The following TLR6 variants were observed in gnomAD, a reference collection of about 807,000 sequenced individuals.
TLR6 encodes toll like receptor 6, also known as toll-like receptor 6.
TLR6 carries 9 observed loss-of-function variants against 16.1 expected under a neutral mutation model. That is an observed-to-expected ratio of 0.56 (90% CI 0.34 to 0.98). TLR6 has a LOEUF of 0.98. TLR6 is among the 50% of genes least tolerant of loss of function. The probability of loss-of-function intolerance (pLI) is 0.02; values close to 1 mark genes in which losing one functional copy is unlikely to be tolerated. For synonymous variants in TLR6, 340 were observed against 338.6 expected, an observed-to-expected ratio of 1.00 and a Z score of -0.04; for missense variants, 786 against 921.0, an observed-to-expected ratio of 0.85 and a Z score of 1.90.
Position 38,840,015 on chromosome 4 carries a change from C to G in TLR6, c.-64-10478G>C, listed in dbSNP as rs534593757. Among the ~76,000 whole-genome samples, 4 of 152,326 alleles carry G rather than the reference C, an allele frequency of 2.6e-5. No homozygotes were observed. In the East Asian group the frequency reaches 7.7e-4, roughly 29 times the overall value. ...AAAGTCTAAAATCCCTAATGTCCAA[C>G]TGAATCCTCAAATCATAATGACCTA... On this transcript the variant is annotated intron_variant, in intron 1 of 1. Transcript: ENST00000436693.
intron 1 of TLR6, among the ~76,000 whole-genome samples, chr4:38,840,474 A>T (rs1236771218): frequency 6.6e-6 from 1 of 152,086 alleles, no homozygotes; most frequent in East Asian, 1.9e-4. Flanking sequence ...TCTACTAAAA[A>T]AATACAAGAA....
At chr4:38,825,383 TC>T (rs1483181629) in exon 2 of TLR6, 1 of 152,234 alleles carries the variant, frequency 6.6e-6, no homozygotes, top group African/African-American at 2.4e-5. Flanking sequence ...GTTTCTTTAC[TC>T]TTCCTCCATT....
intron 1 of TLR6, among the ~76,000 whole-genome samples, chr4:38,842,629 T>A (rs1046166539): frequency 6.6e-6 from 1 of 151,586 alleles, no homozygotes; most frequent in African/African-American, 2.4e-5. Flanking sequence ...TGAGCCCCCA[T>A]GGGGGGCAAA....
chr4:38,845,386 G>C (rs1268398216), intron 1 of TLR6, among the ~76,000 whole-genome samples: 5 of 152,212 alleles, frequency 3.3e-5, no homozygotes, highest in African/African-American at 1.2e-4. Context: ...GAAAATTAAT[G>C]TTGTGGATGA....
At chr4:38,867,973 A>G in the TLR6 span, 1 of 359,746 alleles carries the variant, frequency 2.8e-6, no homozygotes, top group Non-Finnish European at 5.7e-6. Flanking sequence ...TGCGTTAGTG[A>G]GAAGCAGTGG....
exon 2 of TLR6, chr4:38,828,124 G>C: frequency 6.2e-7 from 1 of 1,614,180 alleles, no homozygotes; most frequent in Non-Finnish European, 8.5e-7. Context: ...CCTTGATCCT[G>C]GGAGGTAAAC....
intron 1 of TLR6, among the ~76,000 whole-genome samples, chr4:38,842,063 A>G (rs565565441): frequency 2.6e-5 from 4 of 152,146 alleles, no homozygotes; most frequent in Non-Finnish European, 5.9e-5. Flanking sequence ...GGATTATGGC[A>G]CTTGGGATTG....
intron 1 of TLR6, among the ~76,000 whole-genome samples, chr4:38,830,690 G>A (rs941493401): frequency 6.6e-6 from 1 of 152,030 alleles, no homozygotes; most frequent in African/African-American, 2.4e-5. Flanking sequence ...ACTCCAGCCT[G>A]GGTGACAGAA....
At chr4:38,849,464 T>A (rs1031140030) in intron 1 of TLR6, among the ~76,000 whole-genome samples, 1 of 152,138 alleles carries the variant, frequency 6.6e-6, no homozygotes, top group Non-Finnish European at 1.5e-5. Flanking sequence ...AATGCTCCAA[T>A]TAAAAGACAC....
At chr4:38,837,933 T>G (rs1162293764) in intron 1 of TLR6, among the ~76,000 whole-genome samples, 1 of 152,028 alleles carries the variant, frequency 6.6e-6, no homozygotes, top group Non-Finnish European at 1.5e-5. Flanking sequence ...AAAGTAGGCA[T>G]AGGATTTGAA....
intron 1 of TLR6, among the ~76,000 whole-genome samples, chr4:38,847,571 G>A (rs1042079476): frequency 1.3e-5 from 2 of 152,114 alleles, no homozygotes; most frequent in African/African-American, 4.8e-5. Context: ...TGGAAAATTG[G>A]GTCACTCCCA....
chr4:38,868,023 C>A, the TLR6 span: 1 of 420,820 alleles, frequency 2.4e-6, no homozygotes, highest in Non-Finnish European at 4.8e-6. Flanking sequence ...TCTGGGGCGG[C>A]GCGGCCGAGG....
exon 2 of TLR6, chr4:38,828,326 A>G (rs779347262): frequency 1.9e-6 from 3 of 1,613,370 alleles, no homozygotes; most frequent in African/African-American, 1.3e-5. Context: ...CTTTTGTAAG[A>G]TAAGTGTCTC....
exon 2 of TLR6, chr4:38,828,452 G>A (rs768196238): frequency 1.2e-6 from 2 of 1,614,056 alleles, no homozygotes; most frequent in Non-Finnish European, 1.7e-6. Context: ...TATAAAAGGT[G>A]TATCTGAAAT....
rs555596154 is a variant in TLR6 at position 38,852,983 on chromosome 4, A to C, written c.-65+3778T>G. Among the ~76,000 whole-genome samples the C allele has an allele frequency of 1.4e-4, 22 of 152,118 alleles. No homozygotes were observed. The East Asian group carries it at 4.2e-3, about 29-fold the overall frequency. On this transcript the variant is annotated intron_variant, in intron 1 of 1. Coordinates refer to ENST00000436693, the Ensembl canonical transcript of TLR6. ...ATAGCAAAGACTTGGAACCAACCCA[A>C]ATGTCCATCAATGATAGACTGGATT...
intron 1 of TLR6, among the ~76,000 whole-genome samples, chr4:38,829,742 G>A (rs933870590): frequency 2.0e-5 from 3 of 152,224 alleles, no homozygotes; most frequent in Non-Finnish European, 4.4e-5. Flanking sequence ...TCAAAGAATT[G>A]TGGTTGTGTG....
chr4:38,845,746 T>C (rs141367659), intron 1 of TLR6, among the ~76,000 whole-genome samples: 2 of 152,312 alleles, frequency 1.3e-5, no homozygotes, highest in Non-Finnish European at 2.9e-5. Context: ...AAATGTATAT[T>C]GTTTTAAGCC....
upstream of TLR6, among the ~76,000 whole-genome samples, chr4:38,857,531 C>T (rs573091821): frequency 6.6e-6 from 1 of 152,224 alleles, no homozygotes; most frequent in African/African-American, 2.4e-5. Context: ...ACAGAGACTT[C>T]TGGTGGACAG....
At chr4:38,849,571 G>C (rs1160149587) in intron 1 of TLR6, among the ~76,000 whole-genome samples, 1 of 152,256 alleles carries the variant, frequency 6.6e-6, no homozygotes, top group Admixed American at 6.5e-5. Flanking sequence ...CAAAATAAAG[G>C]GATGGAGGAA....
Sources: gnomAD v4.1 joint callset for allele counts (sites outside exome capture counted in the v4.1 genomes callset) on GRCh38, gnomAD v4.1.1 for gene constraint, MANE v1.5 for transcripts, NCBI Gene and HGNC (gene_info 2026-07-23, HGNC 2026-07-21) for gene names.